SOX5: variants seen among roughly 807,000 people sequenced by gnomAD.
The protein encoded by SOX5 is SRY-box transcription factor 5.
Under a neutral mutation model 92.0 loss-of-function variants are expected in SOX5, and 9 were observed. That is an observed-to-expected ratio of 0.10 (90% CI 0.06 to 0.17). The LOEUF is 0.17. SOX5 is among the 10% of genes least tolerant of loss of function. SOX5 has a pLI of 1.00. For synonymous variants in SOX5, 344 were observed against 336.3 expected (o/e 1.02, Z -0.25); for missense variants, 642 against 944.5 (o/e 0.68, Z 4.20).
chr12:23,602,731 C>A (rs1225117949), intron 9 of SOX5, among the ~76,000 whole-genome samples: 2 of 152,060 alleles, frequency 1.3e-5, no homozygotes, highest in Non-Finnish European at 2.9e-5. Context: ...TATGCTGCTA[C>A]AGCTATTTAT....
At chr12:23,778,563 T>C (rs887600010) in intron 3 of SOX5, among the ~76,000 whole-genome samples, 4 of 152,190 alleles carry the variant, frequency 2.6e-5, no homozygotes, top group Non-Finnish European at 5.9e-5. Context: ...AGAGAAGTCA[T>C]ACCACGAAGG....
rs117528585 is a variant in SOX5, at chr12:24,552,221, A to G, written c.-251+10108T>C. ...TCCTAAAACCACATTATCAAAAAAA[A>G]AGTCTTTCTAGCAGTCCAACAATCA... On this transcript the variant is annotated intron_variant, in intron 1 of 4. Transcript: ENST00000446891. Among the ~76,000 whole-genome samples the G allele has an allele frequency of 7.0e-3, 1,074 of 152,342 alleles. 8 individuals carry two copies. The highest frequency in any genetic ancestry group is 0.019 in the South Asian group (91 of 4,826).
chr12:23,659,897 G>A (rs2082809404), intron 7 of SOX5, among the ~76,000 whole-genome samples: 1 of 152,134 alleles, frequency 6.6e-6, no homozygotes, highest in Admixed American at 6.5e-5. Flanking sequence ...AACCTGGGAG[G>A]TGGAGGTTGC....
At chr12:23,708,742 CG>C (rs2091728367) in intron 6 of SOX5, among the ~76,000 whole-genome samples, 1 of 152,084 alleles carries the variant, frequency 6.6e-6, no homozygotes. Context: ...ACACGCACAA[CG>C]TTATAGAAAA....
Position 24,420,026 on chromosome 12 carries a change from A to G in SOX5, c.-250-51387T>C, listed in dbSNP as rs139285752. Among the ~76,000 whole-genome samples the G allele has an allele frequency of 2.0e-3, 302 of 152,352 alleles. 3 individuals carry two copies. The highest frequency in any genetic ancestry group is 0.014 in the Middle Eastern group (4 of 294). ...TGTATAAATGTATACATTATGGTTG[A>G]TAGCTAAGAGATGATACTTTTCCAT... On this transcript the variant is annotated intron_variant, in intron 1 of 4. Transcript: ENST00000446891.
At chr12:24,507,547 T>C (rs1005450901) in intron 1 of SOX5, among the ~76,000 whole-genome samples, 9 of 152,178 alleles carry the variant, frequency 5.9e-5, no homozygotes, top group African/African-American at 2.2e-4. Context: ...GTTTAATATG[T>C]GGTACTTATT....
chr12:23,857,038 C>G (rs980210935), intron 2 of SOX5, among the ~76,000 whole-genome samples: 3 of 151,726 alleles, frequency 2.0e-5, no homozygotes, highest in Non-Finnish European at 4.4e-5. Flanking sequence ...TAGTTTAAGC[C>G]TAGAAGAAAT....
At chr12:24,101,089 A>G (rs952621051) in intron 4 of SOX5, among the ~76,000 whole-genome samples, 3 of 152,096 alleles carry the variant, frequency 2.0e-5, no homozygotes, top group African/African-American at 2.4e-5. Context: ...TAAGAAATCA[A>G]TGAGCTTCAG....
chr12:23,955,259 T>C (rs1946149107), upstream of SOX5, among the ~76,000 whole-genome samples: 1 of 152,092 alleles, frequency 6.6e-6, no homozygotes, highest in African/African-American at 2.4e-5. Flanking sequence ...TGGACAAAGT[T>C]AGGATGAGCA....
chr12:23,673,038 A>G (rs1032422345), intron 6 of SOX5, among the ~76,000 whole-genome samples: 1 of 152,284 alleles, frequency 6.6e-6, no homozygotes, highest in Admixed American at 6.5e-5. Context: ...TGTTGACTTC[A>G]GGTATAATCT....
intron 2 of SOX5, among the ~76,000 whole-genome samples, chr12:23,875,678 C>T (rs1350899390): frequency 6.6e-6 from 1 of 152,034 alleles, no homozygotes; most frequent in Non-Finnish European, 1.5e-5. Context: ...TTAAAGAGAA[C>T]CAGAGATTTT....
chr12:23,878,677 T>C (rs938502679), intron 2 of SOX5, among the ~76,000 whole-genome samples: 2 of 152,126 alleles, frequency 1.3e-5, no homozygotes, highest in Non-Finnish European at 2.9e-5. Flanking sequence ...ATCCATTTAG[T>C]GTGATTATGG....
Position 23,742,402 on chromosome 12 carries a change from A to T in SOX5, c.569-1363T>A, listed in dbSNP as rs74069177. Reference sequence around the variant, plus strand: ...CCTTATTCAAGGCAGGTAGTCAATAATGTGTTGCTAATAATTTATTATATC... The same window carrying T: ...CCTTATTCAAGGCAGGTAGTCAATATTGTGTTGCTAATAATTTATTATATC... On this transcript the variant is annotated intron_variant, in intron 4 of 14. Coordinates refer to ENST00000451604, the MANE Select transcript of SOX5 (RefSeq NM_006940.6). 1.1e-3 allele frequency among the ~76,000 whole-genome samples: 171 copies of T among 152,290 alleles called. 1 individual carries two copies. The highest frequency in any genetic ancestry group is 3.1e-3 in the African/African-American group (130 of 41,576).
chr12:23,726,171 G>C (rs188695677), intron 6 of SOX5, among the ~76,000 whole-genome samples: 1 of 89,372 alleles, frequency 1.1e-5, no homozygotes, highest in East Asian at 3.8e-4. Context: ...GAGAGAGAGA[G>C]AGAGGTCAGT....
chr12:23,742,642 A>G (rs528205073), intron 4 of SOX5, among the ~76,000 whole-genome samples: 69 of 152,302 alleles, frequency 4.5e-4, no homozygotes, highest in East Asian at 5.8e-4. Context: ...AGGAATACCA[A>G]TACACATCAT....
chr12:24,191,048 C>T (rs933527719), intron 4 of SOX5, among the ~76,000 whole-genome samples: 2 of 152,130 alleles, frequency 1.3e-5, no homozygotes, highest in Admixed American at 6.5e-5. Flanking sequence ...ATGGCTGCAG[C>T]GATCCTGGAC....
intron 1 of SOX5, among the ~76,000 whole-genome samples, chr12:24,376,323 G>T (rs1049819004): frequency 1.3e-5 from 2 of 152,194 alleles, no homozygotes; most frequent in African/African-American, 4.8e-5. Flanking sequence ...TTAGCTGAGG[G>T]TTCTTGGATG....
chr12:24,303,341 A>G (rs1948206121), intron 2 of SOX5, among the ~76,000 whole-genome samples: 1 of 152,208 alleles, frequency 6.6e-6, no homozygotes, highest in African/African-American at 2.4e-5. Context: ...AGGGGACAAA[A>G]CAAGACGTTA....
At chr12:23,685,363 C>A (rs1384210015) in intron 6 of SOX5, among the ~76,000 whole-genome samples, 1 of 151,766 alleles carries the variant, frequency 6.6e-6, no homozygotes, top group Non-Finnish European at 1.5e-5. Flanking sequence ...CATAAAGATA[C>A]TCTCTGAAAA....
Sources: gnomAD v4.1 joint callset for allele counts (sites outside exome capture counted in the v4.1 genomes callset) on GRCh38, gnomAD v4.1.1 for gene constraint, MANE v1.5 for transcripts, NCBI Gene and HGNC (gene_info 2026-07-23, HGNC 2026-07-21) for gene names.